Variants in MYT1L observed in about 807,000 individuals in gnomAD.
MYT1L encodes the protein myelin transcription factor 1-like protein.
MYT1L carries 12 observed loss-of-function variants against 126.7 expected under a neutral mutation model. The observed-to-expected ratio is 0.09, with a 90% CI of 0.06 to 0.15. MYT1L has a LOEUF of 0.15. MYT1L is among the 10% of genes least tolerant of loss of function. The pLI is 1.00. For synonymous variants in MYT1L, 541 were observed against 604.2 expected (o/e 0.90, Z 1.53); for missense variants, 979 against 1,585.2 (o/e 0.62, Z 6.49).
chr2:2,185,330 G>A (rs2091999550), intron 2 of MYT1L, among the ~76,000 whole-genome samples: 1 of 152,210 alleles, frequency 6.6e-6, no homozygotes, highest in South Asian at 2.1e-4. Context: ...TGTGGTTTTT[G>A]TTACTTCCTT....
intron 3 of MYT1L, among the ~76,000 whole-genome samples, chr2:2,165,742 T>C (rs914662371): frequency 1.1e-4 from 16 of 152,100 alleles, no homozygotes; most frequent in African/African-American, 3.6e-4. Flanking sequence ...AAAATACTTT[T>C]TAGAAATAAT....
intron 21 of MYT1L, among the ~76,000 whole-genome samples, chr2:1,833,900 C>T (rs2040500599): frequency 6.6e-6 from 1 of 152,244 alleles, no homozygotes; most frequent in South Asian, 2.1e-4. Context: ...GCCAGGACTC[C>T]CCATGAAGTG....
At chr2:2,129,102 C>T (rs772764927) in intron 3 of MYT1L, among the ~76,000 whole-genome samples, 1 of 152,170 alleles carries the variant, frequency 6.6e-6, no homozygotes, top group African/African-American at 2.4e-5. Context: ...AAGAAAACCT[C>T]GTTCACTGAG....
intron 2 of MYT1L, among the ~76,000 whole-genome samples, chr2:2,217,693 ACAACAACAAC>A (rs1559366774): frequency 0.041 from 4,386 of 105,750 alleles, 358 homozygotes; most frequent in Non-Finnish European, 0.048. Flanking sequence ...AACAACAACA[ACAACAACAAC>A]AACAAAAAAA....
chr2:2,063,022 C>A (rs1314533256), intron 3 of MYT1L, among the ~76,000 whole-genome samples: 1 of 152,202 alleles, frequency 6.6e-6, no homozygotes, highest in Admixed American at 6.5e-5. Flanking sequence ...GGGAGCTGGA[C>A]AGACCCTCCA....
intron 4 of MYT1L, among the ~76,000 whole-genome samples, chr2:2,049,134 G>C (rs2068523522): frequency 6.6e-6 from 1 of 152,154 alleles, no homozygotes; most frequent in South Asian, 2.1e-4. Context: ...AGTTAAGGAG[G>C]ATCTTGACAA....
At chr2:2,223,106 G>T (rs763723727) in intron 2 of MYT1L, among the ~76,000 whole-genome samples, 2 of 152,208 alleles carry the variant, frequency 1.3e-5, no homozygotes, top group Admixed American at 6.5e-5. Flanking sequence ...CAAGTGAACT[G>T]CAGAGCTGAG....
intron 8 of MYT1L, among the ~76,000 whole-genome samples, chr2:1,953,820 C>T (rs2058098888): frequency 6.6e-6 from 1 of 152,186 alleles, no homozygotes; most frequent in Non-Finnish European, 1.5e-5. Flanking sequence ...AACTCACCAC[C>T]CTTGCCACTT....
Position 1,903,152 on chromosome 2 carries a change from G to A in MYT1L, c.1960C>T (p.His654Tyr), listed in dbSNP as rs907594586. The change falls in exon 14 of 25, where the codon CAT becomes TAT. Residue 654 changes from histidine to tyrosine, a missense_variant. By Grantham distance (83) the His-to-Tyr change is moderately conservative. This residue lies in a region of MYT1L where 82 missense variants were observed against 177.2 expected (regional missense o/e 0.46). Transcript: ENST00000647738. ...TSFEYNSYDN[H>Y]TYGKRAIAPK... ...GCTATGGCTCGCTTGCCATAAGTAT[G>A]GTTGTCGTAACTGTTGTATTCAAAC... 6.8e-6 allele frequency: 11 copies of A among 1,614,008 alleles called. No homozygotes were observed. The highest frequency in any genetic ancestry group is 7.6e-6 in the Non-Finnish European group (9 of 1,179,892).
chr2:1,909,164 G>A (rs1230066522), intron 13 of MYT1L, among the ~76,000 whole-genome samples: 3 of 152,088 alleles, frequency 2.0e-5, no homozygotes, highest in African/African-American at 7.2e-5. Context: ...CTGTCATCTA[G>A]GCTAGAGTAT....
intron 2 of MYT1L, among the ~76,000 whole-genome samples, chr2:2,197,088 T>C (rs1207831327): frequency 1.3e-5 from 2 of 152,190 alleles, no homozygotes; most frequent in African/African-American, 2.4e-5. Context: ...TTGGCTATTA[T>C]GAATTTTTGA....
At chr2:2,311,598 G>T (rs1014500891) in intron 1 of MYT1L, among the ~76,000 whole-genome samples, 1 of 152,170 alleles carries the variant, frequency 6.6e-6, no homozygotes, top group African/African-American at 2.4e-5. Context: ...GTTGGCCTCC[G>T]TGTGAACAGG....
At chr2:2,313,686 C>A (rs958412567) in intron 1 of MYT1L, among the ~76,000 whole-genome samples, 1 of 152,054 alleles carries the variant, frequency 6.6e-6, no homozygotes, top group African/African-American at 2.4e-5. Context: ...ATAATACTGT[C>A]TTGGTCTTCT....
intron 4 of MYT1L, among the ~76,000 whole-genome samples, chr2:2,009,689 T>C (rs1050996386): frequency 1.3e-5 from 2 of 152,164 alleles, no homozygotes; most frequent in Non-Finnish European, 2.9e-5. Context: ...ATCCCTTTTG[T>C]TTATCTTATT....
At chr2:2,180,134 T>C (rs1457359695) in intron 2 of MYT1L, among the ~76,000 whole-genome samples, 2 of 152,128 alleles carry the variant, frequency 1.3e-5, no homozygotes, top group Admixed American at 6.6e-5. Context: ...CATTTTTGTA[T>C]TACCAGGGGC....
intron 13 of MYT1L, among the ~76,000 whole-genome samples, chr2:1,908,717 T>C (rs2051458361): frequency 6.6e-6 from 1 of 152,112 alleles, no homozygotes; most frequent in African/African-American, 2.4e-5. Flanking sequence ...TGTGGGCTGA[T>C]GGGGAGAGGG....
chr2:2,291,464 C>T (rs1222967450), intron 1 of MYT1L, among the ~76,000 whole-genome samples: 1 of 152,192 alleles, frequency 6.6e-6, no homozygotes, highest in East Asian at 1.9e-4. Flanking sequence ...GAAGAGGTGA[C>T]TCTTGGGGAT....
intron 1 of MYT1L, among the ~76,000 whole-genome samples, chr2:2,296,924 G>C (rs1037838262): frequency 2.6e-5 from 4 of 152,150 alleles, no homozygotes; most frequent in African/African-American, 9.7e-5. Context: ...AACAAATGAT[G>C]CTCACTTTAG....
intron 10 of MYT1L, among the ~76,000 whole-genome samples, chr2:1,920,186 C>A (rs1257504787): frequency 2.0e-5 from 3 of 152,174 alleles, no homozygotes; most frequent in Non-Finnish European, 4.4e-5. Flanking sequence ...TCCAAATCTG[C>A]AACCTTTCCT....
Sources: allele counts gnomAD v4.1 joint callset (sites outside exome capture counted in the v4.1 genomes callset), GRCh38; gene constraint gnomAD v4.1.1; regional missense constraint gnomAD v4.1.1; transcripts MANE v1.5; gene names NCBI Gene and HGNC (gene_info 2026-07-23, HGNC 2026-07-21).